Variants in HENMT1 observed in about 807,000 individuals in gnomAD.
The protein encoded by HENMT1 is small RNA 2'-O-methyltransferase.
Under a neutral mutation model 31.1 loss-of-function variants are expected in HENMT1, and 27 were observed. That is an observed-to-expected ratio of 0.87 (90% CI 0.64 to 1.20). The LOEUF (loss-of-function observed/expected upper bound fraction) is 1.20, where lower values mean the gene tolerates loss of function less well. Ranked by LOEUF, HENMT1 falls within the 50% of genes most tolerant of loss-of-function variation. The pLI is 0.00. For missense variants in HENMT1, 438 were observed against 469.6 expected (o/e 0.93, Z 0.62); for synonymous variants, 167 against 172.2 (o/e 0.97, Z 0.24).
rs757979551 is a variant in HENMT1 at position 108,657,498 on chromosome 1, G to A, written c.103C>T (p.Arg35Trp). 3.0e-5 allele frequency: 48 copies of A among 1,609,034 alleles called. No individual in the cohort carries two copies. The highest frequency in any genetic ancestry group is 4.0e-5 in the Non-Finnish European group (47 of 1,175,932). ...ACTAAATTTTTAACGAACTGGTACC[G>A]CTGTCTGTATAGTGGAGGTTTAAAC... ...IQFKPPLYRQ[R>W]YQFVKNLVDQ... Residue 35 changes from arginine to tryptophan, a missense_variant, in exon 3 of 8, where the codon CGG (arginine) becomes TGG (tryptophan). Transcript: ENST00000651461.
intron 7 of HENMT1, 137 bp downstream of exon 7, chr1:108,650,074 T>G (rs1183114813): frequency 2.5e-6 from 2 of 799,570 alleles, no homozygotes; most frequent in South Asian, 2.8e-5. Context: ...TCATGGGGCC[T>G]GAAGAATTCT....
At chr1:108,659,815 G>A (rs762713840) in intron 2 of HENMT1, 49 bp downstream of exon 2, 3 of 1,144,488 alleles carry the variant, frequency 2.6e-6, no homozygotes, top group South Asian at 1.3e-5. Context: ...AATACATCCA[G>A]GTGATAATTC....
chr1:108,654,646 A>G, intron 5 of HENMT1, 70 bp downstream of exon 5: 1 of 1,482,848 alleles, frequency 6.7e-7, no homozygotes. Context: ...TATTTAGGAC[A>G]CTAAGATCAC....
At position 108,659,910 on chromosome 1, in the gene HENMT1, A is replaced by G; in HGVS notation, c.-26T>C. On this transcript the variant is annotated 5_prime_UTR_variant, in exon 2 of 8. Coordinates refer to ENST00000651461, the MANE Select transcript of HENMT1 (RefSeq NM_001102592.2). ...TTTGTTTCGAAGTTTTGTTGAAACA[A>G]AAATGAAGATTTATCCTTCAAGCTC... is the stretch of plus-strand genomic sequence containing the variant. 1.3e-6 allele frequency: 2 copies of G among 1,598,004 alleles called. No individual in the cohort carries two copies. Among genetic ancestry groups the G allele is most frequent in the Non-Finnish European group, 8.5e-7 (1 of 1,173,130 alleles).
intron 2 of HENMT1, among the ~76,000 whole-genome samples, chr1:108,658,491 T>C (rs1267460821): frequency 6.6e-6 from 1 of 152,136 alleles, no homozygotes; most frequent in Non-Finnish European, 1.5e-5. Flanking sequence ...GGTTTAAAAT[T>C]CCTGGGCTCA....
chr1:108,654,870 GAA>G lies in HENMT1; in HGVS notation c.264-22_264-21del. ...GAATCCCTGCAAAATAATTATTGAA[GAA>G]ACTTTCTGAACATTATCTATTTAAA... is the stretch of plus-strand genomic sequence containing the variant. On this transcript the variant is annotated intron_variant, in intron 4 of 7. Coordinates refer to ENST00000651461, the MANE Select transcript of HENMT1 (RefSeq NM_001102592.2). The G allele has an allele frequency of 1.2e-6, 2 of 1,612,768 alleles. No individual in the cohort carries two copies. Among genetic ancestry groups the G allele is most frequent in the Non-Finnish European group, 1.7e-6 (2 of 1,179,108 alleles).
Position 108,655,621 on chromosome 1 carries a change from T to C in HENMT1, c.228A>G (p.Gly76=), listed in dbSNP as rs751655490. The part of the protein sequence containing the change: ...KVNPCIELLV[G]VDINEDKLRW... ...GTAATTTATCCTCATTAATATCTACTCCAACAAGCAATTCAATGCATGGAT... is the reference window on the plus strand; with the variant it reads ...GTAATTTATCCTCATTAATATCTACCCCAACAAGCAATTCAATGCATGGAT... Residue 76 remains glycine (G), a synonymous_variant, in exon 4 of 8, where the codon GGA becomes GGG. Coordinates refer to ENST00000651461, the MANE Select transcript of HENMT1 (RefSeq NM_001102592.2). 5 of 1,611,064 alleles carry C rather than the reference T, an allele frequency of 3.1e-6. No individual in the cohort carries two copies. The Admixed American group carries it at 5.0e-5, about 16-fold the overall frequency.
chr1:108,656,447 T>C (rs1039834360), intron 3 of HENMT1, among the ~76,000 whole-genome samples: 1 of 152,202 alleles, frequency 6.6e-6, no homozygotes, highest in Non-Finnish European at 1.5e-5. Context: ...TTATATGCAA[T>C]TATGACTTTA....
In HENMT1 at chr1:108,651,223, T is replaced by A. The variant is rs759144932; in HGVS notation, c.399-14A>T. The A allele has an allele frequency of 1.3e-6, 2 of 1,595,840 alleles. No individual in the cohort carries two copies. The highest frequency in any genetic ancestry group is 1.3e-5 in the African/African-American group (1 of 74,404). ...AAATGTTCTATTCTAAAATGGTTAA[T>A]GAGAAAGACATAATAAAATCTAGCT... On this transcript the variant is annotated splice_polypyrimidine_tract_variant and intron_variant, in intron 5 of 7. Coordinates refer to ENST00000651461, the MANE Select transcript of HENMT1 (RefSeq NM_001102592.2).
rs1324405755 is a variant in HENMT1, at chr1:108,654,617, C to A, written c.398+99G>T. 1.6e-5 allele frequency: 19 copies of A among 1,177,920 alleles called. No homozygotes were observed. In the Admixed American group the frequency reaches 4.6e-4, roughly 28 times the overall value. The allele number at this position is 1,177,920 out of a possible 1,614,324, so 73.0% of individuals were successfully genotyped here. On this transcript the variant is annotated intron_variant, in intron 5 of 7. Transcript: ENST00000651461. Reference sequence around the variant, plus strand: ...CCCAACCAATGAGCAGTTTTCCTTACAATAATCAAGACCTATTATATTTAG... The same window carrying A: ...CCCAACCAATGAGCAGTTTTCCTTAAAATAATCAAGACCTATTATATTTAG...
chr1:108,657,487 G>A lies in HENMT1; in HGVS notation c.114C>T (p.Phe38=), dbSNP rs111789685. The A allele has an allele frequency of 2.3e-3, 3,639 of 1,609,164 alleles. 79 individuals are homozygous for A. The African/African-American group carries it at 0.042, about 19-fold the overall frequency. ...KPPLYRQRYQ[F]VKNLVDQHEP... is the part of the protein sequence containing the mutation. ...CATGTTGATCCACTAAATTTTTAACGAACTGGTACCGCTGTCTGTATAGTG... is the reference window on the plus strand; with the variant it reads ...CATGTTGATCCACTAAATTTTTAACAAACTGGTACCGCTGTCTGTATAGTG... Residue 38 remains phenylalanine (F), a synonymous_variant, in exon 3 of 8, where the codon TTC becomes TTT. Transcript: ENST00000651461.
At position 108,649,239 on chromosome 1, in the gene HENMT1, T is replaced by C. The variant is rs1214449278; in HGVS notation, c.757-248A>G. On this transcript the variant is annotated intron_variant, in intron 7 of 7. Coordinates refer to ENST00000651461, the MANE Select transcript of HENMT1 (RefSeq NM_001102592.2). ...CCAGCCAGGTTTCTACCAAGTCACA[T>C]GAACCCAGTATTTCTACTTGATATT... 5 of 611,784 alleles carry C rather than the reference T, an allele frequency of 8.2e-6. 1 individual carries two copies. In the East Asian group the frequency reaches 1.4e-4, roughly 17 times the overall value. 37.9% of individuals were successfully genotyped at this position (611,784 alleles called of 1,614,324 possible).
At chr1:108,660,690 C>T (rs979580569) in intron 1 of HENMT1, among the ~76,000 whole-genome samples, 3 of 151,908 alleles carry the variant, frequency 2.0e-5, no homozygotes, top group Non-Finnish European at 2.9e-5. Flanking sequence ...TTTGGGAGGC[C>T]GAGGCGGGCG....
At chr1:108,650,607 G>T (rs188312518) in intron 6 of HENMT1, among the ~76,000 whole-genome samples, 1 of 152,330 alleles carries the variant, frequency 6.6e-6, no homozygotes, top group East Asian at 1.9e-4. Flanking sequence ...TATGGAAGAC[G>T]AAAGGAAAAT....
intron 7 of HENMT1, 157 bp downstream of exon 7, chr1:108,650,054 C>T (rs577298077): frequency 8.0e-5 from 59 of 734,260 alleles, no homozygotes; most frequent in South Asian, 6.8e-4. Flanking sequence ...TAGGCTAACT[C>T]GGACAGTAGT....
chr1:108,651,101 G>T lies in HENMT1; in HGVS notation c.507C>A (p.Pro169=), dbSNP rs200210462. The change falls in exon 6 of 8, where the codon CCC becomes CCA. Residue 169 remains proline (P), a synonymous_variant. Coordinates refer to ENST00000651461, the MANE Select transcript of HENMT1 (RefSeq NM_001102592.2). Reference sequence around the variant, plus strand: ...CTCTTAAGGTCACTGATGGAAACAGGGGATTGAATTCAGAGTTTGGTGTGC... The same window carrying T: ...CTCTTAAGGTCACTGATGGAAACAGTGGATTGAATTCAGAGTTTGGTGTGC... ...VISTPNSEFN[P]LFPSVTLRDS... 6.2e-7 allele frequency: 1 copy of T among 1,613,644 alleles called. No homozygotes were observed. Among genetic ancestry groups the T allele is most frequent in the Admixed American group, 1.7e-5 (1 of 60,014 alleles).
chr1:108,654,372 T>C (rs995424723), intron 5 of HENMT1, among the ~76,000 whole-genome samples: 5 of 152,158 alleles, frequency 3.3e-5, no homozygotes, highest in African/African-American at 7.2e-5. Context: ...GCCATGTGTA[T>C]ACCCTTAATT....
chr1:108,649,591 C>T (rs114909932), intron 7 of HENMT1, among the ~76,000 whole-genome samples: 1 of 152,040 alleles, frequency 6.6e-6, no homozygotes, highest in African/African-American at 2.4e-5. Context: ...ACTCCAGCCT[C>T]GGTGACAGAA....
intron 5 of HENMT1, among the ~76,000 whole-genome samples, chr1:108,654,154 G>T (rs1176372635): frequency 6.6e-6 from 1 of 152,140 alleles, no homozygotes; most frequent in Non-Finnish European, 1.5e-5. Context: ...TTTTGCCAAT[G>T]TATGTTCTTG....
Sources: allele counts gnomAD v4.1 joint callset (sites outside exome capture counted in the v4.1 genomes callset), GRCh38; gene constraint gnomAD v4.1.1; transcripts MANE v1.5; gene names NCBI Gene and HGNC (gene_info 2026-07-23, HGNC 2026-07-21).